Variants in PEX14 observed in about 807,000 individuals in gnomAD.
PEX14 encodes the protein peroxisomal biogenesis factor 14, also known as peroxisomal membrane protein PEX14.
Under a neutral mutation model 49.5 loss-of-function variants are expected in PEX14, and 15 were observed. The ratio of observed to expected loss-of-function variants is 0.30; its 90% CI spans 0.20 to 0.47. PEX14 has a LOEUF of 0.47. PEX14 is among the 20% of genes least tolerant of loss of function. The pLI is 1.00. For synonymous variants in PEX14, 210 were observed against 212.7 expected (o/e 0.99, Z 0.11); for missense variants, 398 against 494.8 (o/e 0.80, Z 1.86).
chr1:10,629,408 C>T lies in PEX14; in HGVS notation c.678-123C>T. 1.4e-6 allele frequency: 1 copy of T among 733,244 alleles called. No individual in the cohort carries two copies. Among genetic ancestry groups the T allele is most frequent in the Non-Finnish European group, 2.4e-6 (1 of 408,570 alleles). 45.4% of individuals were successfully genotyped at this position (733,244 alleles called of 1,614,324 possible). A position where few individuals can be genotyped will look rare whatever the true frequency, so the allele number is the denominator to read the frequency against. ...TGGAAGGGCTCCATCCTGTCCCTTGCCCAGTGTCCCTGGGGGAGCAGCTCA... is the reference window on the plus strand; with the variant it reads ...TGGAAGGGCTCCATCCTGTCCCTTGTCCAGTGTCCCTGGGGGAGCAGCTCA... On this transcript the variant is annotated intron_variant, in intron 8 of 8. Transcript: ENST00000356607. This position sits in a 1 kb window ranked among gnomAD's most constrained non-coding sequence, Gnocchi z 8.5.
intron 3 of PEX14, among the ~76,000 whole-genome samples, chr1:10,574,121 G>A (rs1382022260): frequency 6.6e-6 from 1 of 152,032 alleles, no homozygotes; most frequent in Non-Finnish European, 1.5e-5. Context: ...AAATAAATGA[G>A]CCAAAACCTG....
chr1:10,609,747 T>C (rs945673496), intron 4 of PEX14, among the ~76,000 whole-genome samples: 17 of 152,054 alleles, frequency 1.1e-4, no homozygotes, highest in African/African-American at 3.9e-4. Flanking sequence ...TAGCTGGCCG[T>C]GGTGGCGGGC....
chr1:10,488,002 A>T (rs1170477142), intron 1 of PEX14, among the ~76,000 whole-genome samples: 6 of 150,826 alleles, frequency 4.0e-5, no homozygotes, highest in Non-Finnish European at 7.4e-5. Context: ...GCTTGTCTCG[A>T]ACTCCTGACC....
chr1:10,512,910 G>T lies in PEX14; in HGVS notation c.84+17589G>T, dbSNP rs12129512. On this transcript the variant is annotated intron_variant, in intron 2 of 8. Transcript: ENST00000356607. This position sits in a 1 kb window ranked among gnomAD's most constrained non-coding sequence, Gnocchi z 4.6. ...GATGAGGTTTCATCGTGTTAGCTGGGATGGTCTGGATCTCGTGACCTCGTG... is the reference window on the plus strand; with the variant it reads ...GATGAGGTTTCATCGTGTTAGCTGGTATGGTCTGGATCTCGTGACCTCGTG... 0.17 allele frequency among the ~76,000 whole-genome samples: 26,199 copies of T among 152,108 alleles called. 2,693 individuals are homozygous for T. The highest frequency in any genetic ancestry group is 0.24 in the Non-Finnish European group (16,129 of 67,952).
At chr1:10,571,532 G>A (rs927244869) in intron 3 of PEX14, among the ~76,000 whole-genome samples, 2 of 152,074 alleles carry the variant, frequency 1.3e-5, no homozygotes, top group African/African-American at 4.8e-5. Flanking sequence ...AGATGGGCCG[G>A]GCACAGTGCC....
Position 10,537,343 on chromosome 1 carries a change from C to CT in PEX14, c.169+1046_169+1047insT, listed in dbSNP as rs1553187437. Among the ~76,000 whole-genome samples, 4 of 61,704 alleles carry CT rather than the reference C, an allele frequency of 6.5e-5. 2 individuals carry two copies. Among genetic ancestry groups the CT allele is most frequent in the Non-Finnish European group, 1.7e-4 (4 of 22,938 alleles). 40.5% of individuals were successfully genotyped at this position (61,704 alleles called of 152,430 possible). ...CTCACTGGCTGCATTGTGCCAGCAC[C>CT]CCCCCCCCCCGCCATCATTAGGAGA... On this transcript the variant is annotated intron_variant, in intron 3 of 8. Transcript: ENST00000356607.
chr1:10,537,860 A>G (rs1382167682), intron 3 of PEX14, among the ~76,000 whole-genome samples: 1 of 152,156 alleles, frequency 6.6e-6, no homozygotes, highest in African/African-American at 2.4e-5. Context: ...TGAAAAAAAA[A>G]AGAGAGAGAG....
chr1:10,612,355 A>AT (rs1557428048), intron 4 of PEX14, among the ~76,000 whole-genome samples: 2 of 151,462 alleles, frequency 1.3e-5, no homozygotes, highest in Non-Finnish European at 2.9e-5. Context: ...TAGAGCTCAT[A>AT]TTTTTTAATC....
chr1:10,618,636 TC>T (rs1431125201), intron 5 of PEX14, among the ~76,000 whole-genome samples: 2 of 147,380 alleles, frequency 1.4e-5, no homozygotes, highest in East Asian at 2.0e-4. Flanking sequence ...TCTCCAGTGC[TC>T]AGCATATACC....
chr1:10,521,786 T>C (rs1361742308), intron 2 of PEX14, among the ~76,000 whole-genome samples: 2 of 152,252 alleles, frequency 1.3e-5, no homozygotes, highest in African/African-American at 4.8e-5. Context: ...CTTCTCATTA[T>C]ATACTTTTAA....
chr1:10,485,599 A>T (rs1641354326), intron 1 of PEX14, among the ~76,000 whole-genome samples: 4 of 151,334 alleles, frequency 2.6e-5, no homozygotes, highest in Admixed American at 2.6e-4. Flanking sequence ...AAGTACAGGC[A>T]TGAACCACAG....
In PEX14 at chr1:10,629,465, C is replaced by T. The variant is rs769471400; in HGVS notation, c.678-66C>T. The T allele has an allele frequency of 7.4e-5, 82 of 1,114,466 alleles. No individual in the cohort carries two copies. The highest frequency in any genetic ancestry group is 1.0e-4 in the Non-Finnish European group (77 of 737,312). The allele number at this position is 1,114,466 out of a possible 1,614,324, so 69.0% of individuals were successfully genotyped here. On this transcript the variant is annotated intron_variant, in intron 8 of 8. Coordinates refer to ENST00000356607, the MANE Select transcript of PEX14 (RefSeq NM_004565.3). The surrounding 1 kb of genome is among the most constrained non-coding windows in gnomAD (Gnocchi z 8.5). The stretch of plus-strand genomic sequence containing the variant: ...CCGAGCCCTTGCGGGTCAGGGAAGG[C>T]GTGGCCCTTCGAAGGGGGGCGTCCT...
chr1:10,576,532 C>T (rs1330897009), intron 3 of PEX14, among the ~76,000 whole-genome samples: 2 of 152,174 alleles, frequency 1.3e-5, no homozygotes, highest in African/African-American at 4.8e-5. Context: ...ATATTTAACT[C>T]TTTAATCCTG....
chr1:10,503,109 A>C (rs905981429), intron 2 of PEX14, among the ~76,000 whole-genome samples: 1 of 151,696 alleles, frequency 6.6e-6, no homozygotes, highest in Non-Finnish European at 1.5e-5. Flanking sequence ...CCTGGAATGC[A>C]GTCTTTAATC....
At chr1:10,590,108 T>TC (rs1640616570) in intron 3 of PEX14, among the ~76,000 whole-genome samples, 1 of 152,164 alleles carries the variant, frequency 6.6e-6, no homozygotes, top group African/African-American at 2.4e-5. Flanking sequence ...ATAGGCCGGT[T>TC]CATGTCTGTG....
intron 4 of PEX14, among the ~76,000 whole-genome samples, chr1:10,611,371 A>C (rs1048502217): frequency 3.3e-5 from 5 of 152,184 alleles, no homozygotes; most frequent in African/African-American, 1.2e-4. Context: ...CTGTTGCTCC[A>C]TGTACCGCAA....
At chr1:10,614,920 G>A (rs1463819864) in intron 4 of PEX14, among the ~76,000 whole-genome samples, 3 of 152,176 alleles carry the variant, frequency 2.0e-5, no homozygotes, top group African/African-American at 7.2e-5. Flanking sequence ...GCTAGAAGAG[G>A]GGAGACAGAA....
chr1:10,592,407 G>A (rs977149768), intron 3 of PEX14, among the ~76,000 whole-genome samples: 4 of 151,482 alleles, frequency 2.6e-5, no homozygotes, highest in Non-Finnish European at 5.9e-5. Flanking sequence ...AGCAGAGAGG[G>A]ATTAAAAGAA....
intron 3 of PEX14, among the ~76,000 whole-genome samples, chr1:10,594,594 G>T (rs1640780066): frequency 6.6e-6 from 1 of 152,226 alleles, no homozygotes; most frequent in Non-Finnish European, 1.5e-5. Flanking sequence ...TGTCCTGGTT[G>T]TTGTTTGACC....
Sources: gnomAD v4.1 joint callset for allele counts (sites outside exome capture counted in the v4.1 genomes callset) on GRCh38, gnomAD v4.1.1 for gene constraint, Gnocchi (gnomAD v3.1) non-coding constraint, MANE v1.5 for transcripts, NCBI Gene and HGNC (gene_info 2026-07-23, HGNC 2026-07-21) for gene names.